Variants in ZNF75A observed in about 807,000 individuals in gnomAD.
The protein encoded by ZNF75A is zinc finger protein 75A.
In ZNF75A, 36 loss-of-function variants were observed where a neutral mutation model predicts 46.3. The observed-to-expected ratio is 0.78, with a 90% CI of 0.60 to 1.03. The LOEUF (loss-of-function observed/expected upper bound fraction) is 1.03. Ranked by LOEUF, ZNF75A falls within the 50% of genes least tolerant of loss-of-function variation. The probability of loss-of-function intolerance (pLI) is 0.00; values close to 1 mark genes in which losing one functional copy is unlikely to be tolerated. For missense variants in ZNF75A, 595 were observed against 551.3 expected, an observed-to-expected ratio of 1.08 and a Z score of -0.79; for synonymous variants, 234 against 189.9, an observed-to-expected ratio of 1.23 and a Z score of -1.91.
chr16:3,312,701 C>G lies in ZNF75A; in HGVS notation c.629C>G (p.Ala210Gly), dbSNP rs939681863. ...GCTGTGCCTACTCAACAGATTCTAG[C>G]TTTTCCTGAGCAAACAAACACCAAA... ...ERAVPTQQILAFPEQTNTKDW... is the reference protein window; with the variant it reads ...ERAVPTQQILGFPEQTNTKDW... Residue 210 changes from alanine to glycine, a missense_variant, in exon 4 of 7, where the codon GCT (alanine) becomes GGT (glycine). Physicochemically the swap from Ala to Gly is moderately conservative, Grantham distance 60 (BLOSUM62 0). Transcript: ENST00000669516. 6 of 1,017,846 alleles carry G rather than the reference C, an allele frequency of 5.9e-6. No individual in the cohort carries two copies. In the African/African-American group the frequency reaches 1.0e-4, roughly 18 times the overall value. 63.1% of individuals were successfully genotyped at this position (1,017,846 alleles called of 1,614,324 possible). A position where few individuals can be genotyped will look rare whatever the true frequency, so the allele number is the denominator to read the frequency against.
rs1961254617 is a variant in ZNF75A at position 3,316,950 on chromosome 16, C to G, written c.862C>G (p.Leu288Val). 7.4e-6 allele frequency: 12 copies of G among 1,613,912 alleles called. No individual in the cohort carries two copies. Among genetic ancestry groups the G allele is most frequent in the Non-Finnish European group, 1.0e-5 (12 of 1,179,934 alleles). Residue 288 changes from leucine (L) to valine (V), a missense_variant, in exon 6 of 7, where the codon CTA becomes GTA. Physicochemically the swap from Leu to Val is conservative, Grantham distance 32 (BLOSUM62 1). Coordinates refer to ENST00000669516, the MANE Select transcript of ZNF75A (RefSeq NM_001302109.2). Reference sequence around the variant, plus strand: ...CCCCAAACCTAAAGTGATCTCCTGTCTAGAGCAAGGGGAAGAGCCATGGGT... The same window carrying G: ...CCCCAAACCTAAAGTGATCTCCTGTGTAGAGCAAGGGGAAGAGCCATGGGT... ...VLPKPKVISCLEQGEEPWVQV... is the reference protein window; with the variant it reads ...VLPKPKVISCVEQGEEPWVQV...
At position 3,311,881 on chromosome 16, in the gene ZNF75A, A is replaced by C. The variant is rs1475864125; in HGVS notation, c.537A>C (p.Thr179=). 4.0e-6 allele frequency: 4 copies of C among 1,009,570 alleles called. No individual in the cohort carries two copies. The African/African-American group carries it at 5.2e-5, about 13-fold the overall frequency. 62.5% of individuals were successfully genotyped at this position (1,009,570 alleles called of 1,614,324 possible). ...CCCAAGATGAAGAATTTTGGAATAC[A>C]TACGAGGGTCTGCAAGAACAGCTCA... ...GVSQDEEFWN[T]YEGLQEQLSR... is the part of the protein sequence containing the mutation. Residue 179 remains threonine, a synonymous_variant, in exon 3 of 7, where the codon ACA becomes ACC. Transcript: ENST00000669516.
intron 1 of ZNF75A, chr16:3,307,187 T>C (rs1960343842): frequency 6.6e-6 from 1 of 152,210 alleles, no homozygotes; most frequent in Non-Finnish European, 1.5e-5. Flanking sequence ...TGGTCTCAGG[T>C]GATCCACCCA....
intron 5 of ZNF75A, 30 bp from the exon 6 acceptor site, chr16:3,316,882 G>T: frequency 6.6e-7 from 1 of 1,519,048 alleles, no homozygotes. Flanking sequence ...TAAGTTACCA[G>T]TCCTTGACCT....
intron 2 of ZNF75A, among the ~76,000 whole-genome samples, chr16:3,310,415 A>G (rs1960666722): frequency 6.6e-6 from 1 of 151,678 alleles, no homozygotes; most frequent in African/African-American, 2.4e-5. Flanking sequence ...GTTTTTAAAA[A>G]TTAGGAAAAA....
chr16:3,312,380 A>G (rs1320813503), intron 3 of ZNF75A: 1 of 152,254 alleles, frequency 6.6e-6, no homozygotes, highest in Non-Finnish European at 1.5e-5. Flanking sequence ...GGAGTCCCTG[A>G]GTACTTCATT....
At chr16:3,310,919 C>T (rs1960725597) in intron 2 of ZNF75A, 3 of 985,256 alleles carry the variant, frequency 3.0e-6, no homozygotes, top group African/African-American at 3.5e-5. Flanking sequence ...AGGGCAGGAC[C>T]TATGTTTGGT....
At chr16:3,305,726 G>C (rs1240840852) in intron 1 of ZNF75A, 83 bp downstream of exon 1, 1 of 152,250 alleles carries the variant, frequency 6.6e-6, no homozygotes, top group Non-Finnish European at 1.5e-5. Flanking sequence ...GCCATTTTCC[G>C]TAGGCGGTGG....
In ZNF75A at chr16:3,318,489, C is replaced by T. The variant is rs1961393459; in HGVS notation, c.*620C>T. The T allele has an allele frequency of 2.0e-6, 2 of 985,260 alleles. No homozygotes were observed. The highest frequency in any genetic ancestry group is 1.7e-5 in the African/African-American group (1 of 57,212). 61.0% of individuals were successfully genotyped at this position (985,260 alleles called of 1,614,324 possible). ...AAATAGAAGACATCTCTAATGGAAT[C>T]ATGGGGGAAACGGGTTGGAATTTGT... On this transcript the variant is annotated 3_prime_UTR_variant, in exon 7 of 7. Coordinates refer to ENST00000669516, the MANE Select transcript of ZNF75A (RefSeq NM_001302109.2).
chr16:3,314,653 T>C, intron 5 of ZNF75A: 1 of 985,274 alleles, frequency 1.0e-6, no homozygotes, highest in South Asian at 4.7e-5. Flanking sequence ...ATTCTGTTAA[T>C]TTCTTTAGCA....
intron 2 of ZNF75A, 115 bp from the exon 3 acceptor site, chr16:3,311,638 A>AT (rs1234749353): frequency 1.6e-4 from 65 of 400,190 alleles, no homozygotes; most frequent in Non-Finnish European, 2.1e-4. Flanking sequence ...TTTTTTTGTC[A>AT]TTTTTTTTAG....
At chr16:3,312,857 C>T (rs1960914534) in intron 4 of ZNF75A, 89 bp downstream of exon 4, 2 of 1,179,522 alleles carry the variant, frequency 1.7e-6, no homozygotes, top group Admixed American at 3.1e-5. Flanking sequence ...GTGTGTTAGT[C>T]CCGGGTGTTC....
At chr16:3,319,483 CCTTAA>C (rs1180862404), downstream of ZNF75A, among the ~76,000 whole-genome samples, 4 of 152,214 alleles carry the variant, frequency 2.6e-5, no homozygotes, top group South Asian at 2.1e-4. Flanking sequence ...CCCAGCACCA[CCTTAA>C]CTTAAGACCT....
chr16:3,308,831 A>C lies in ZNF75A; in HGVS notation c.403A>C (p.Asn135His). The change falls in exon 2 of 7, where the codon AAT (asparagine) becomes CAT (histidine). Residue 135 changes from asparagine (N) to histidine (H), a missense_variant. Physicochemically the swap from Asn to His is moderately conservative, Grantham distance 68. Coordinates refer to ENST00000669516, the MANE Select transcript of ZNF75A (RefSeq NM_001302109.2). ...HLQRESGQTW[N>H]GVAVHELGKE... is the part of the protein sequence containing the mutation. ...GCAGAGGGAATCTGGTCAAACATGG[A>C]ATGGGGTGAGAAGAAAGATTCCTGA... 1.0e-6 allele frequency: 1 copy of C among 985,832 alleles called. No individual in the cohort carries two copies. The allele number at this position is 985,832 out of a possible 1,614,324, so 61.1% of individuals were successfully genotyped here. A position where few individuals can be genotyped will look rare whatever the true frequency, so the allele number is the denominator to read the frequency against.
chr16:3,314,223 A>T (rs1842908951), intron 5 of ZNF75A, among the ~76,000 whole-genome samples: 2 of 152,212 alleles, frequency 1.3e-5, no homozygotes, highest in African/African-American at 4.8e-5. Context: ...TCCAGAAAGA[A>T]TCAGGATTTT....
Position 3,317,947 on chromosome 16 carries a change from A to C in ZNF75A, c.*78A>C. ...GGCACTAAAATTTATGTAAAAGAAAAATCACAAACCTTGAAAAATTTTACA... is the reference window on the plus strand; with the variant it reads ...GGCACTAAAATTTATGTAAAAGAAACATCACAAACCTTGAAAAATTTTACA... On this transcript the variant is annotated 3_prime_UTR_variant, in exon 7 of 7. Coordinates refer to ENST00000669516, the MANE Select transcript of ZNF75A (RefSeq NM_001302109.2). 6.7e-7 allele frequency: 1 copy of C among 1,494,516 alleles called. No individual in the cohort carries two copies. Among genetic ancestry groups the C allele is most frequent in the Non-Finnish European group, 8.9e-7 (1 of 1,127,100 alleles). 92.6% of individuals were successfully genotyped at this position (1,494,516 alleles called of 1,614,324 possible).
chr16:3,318,085 T>C lies in ZNF75A; in HGVS notation c.*216T>C. 7.6e-7 allele frequency: 1 copy of C among 1,317,872 alleles called. No homozygotes were observed. The highest frequency in any genetic ancestry group is 9.6e-7 in the Non-Finnish European group (1 of 1,037,988). The allele number at this position is 1,317,872 out of a possible 1,614,324, so 81.6% of individuals were successfully genotyped here. ...AAACATTGTTGGCTTTGTATTGATC[T>C]CTCCAGTCATTTTTGAACACATCCA... On this transcript the variant is annotated 3_prime_UTR_variant, in exon 7 of 7. Transcript: ENST00000669516.
chr16:3,322,637 A>G (rs1007174865), downstream of ZNF75A, among the ~76,000 whole-genome samples: 1 of 152,208 alleles, frequency 6.6e-6, no homozygotes, highest in African/African-American at 2.4e-5. Context: ...AGTTGCACCA[A>G]TCTTAGCGCT....
At chr16:3,314,633 C>G in intron 5 of ZNF75A, 1 of 980,368 alleles carries the variant, frequency 1.0e-6, no homozygotes. Flanking sequence ...CTTTTTTTTT[C>G]TTAAATCGTA....
Sources: gnomAD v4.1 joint callset for allele counts (sites outside exome capture counted in the v4.1 genomes callset) on GRCh38, gnomAD v4.1.1 for gene constraint, MANE v1.5 for transcripts, NCBI Gene and HGNC (gene_info 2026-07-23, HGNC 2026-07-21) for gene names.